ZFHX3: variants seen among roughly 807,000 people sequenced by gnomAD.
ZFHX3 encodes zinc finger homeobox 3, also known as zinc finger homeobox protein 3.
A neutral mutation model predicts 279.1 loss-of-function variants in ZFHX3; 42 were observed. That is an observed-to-expected ratio of 0.15 (90% confidence interval 0.12 to 0.19). The LOEUF is 0.19. Among genes scored for constraint, ZFHX3 ranks in the 10% least tolerant of loss-of-function variants. The probability of loss-of-function intolerance (pLI) is 1.00; values close to 1 mark genes in which losing one functional copy is unlikely to be tolerated. For synonymous variants in ZFHX3, 2,293 were observed against 1,957.8 expected, an observed-to-expected ratio of 1.17 and a Z score of -4.52; for missense variants, 4,981 against 4,754.0, an observed-to-expected ratio of 1.05 and a Z score of -1.40.
chr16:73,085,856 T>C (rs1966005199), intron 8 of ZFHX3, among the ~76,000 whole-genome samples: 1 of 152,050 alleles, frequency 6.6e-6, no homozygotes, highest in Admixed American at 6.6e-5. Flanking sequence ...AGGAAGCTTC[T>C]GTACAGCAAA....
intron 1 of ZFHX3, among the ~76,000 whole-genome samples, chr16:72,975,492 A>C (rs1320636270): frequency 6.6e-6 from 1 of 152,154 alleles, no homozygotes; most frequent in African/African-American, 2.4e-5. Flanking sequence ...CAGGGGGAAG[A>C]GAGGGGATCA....
chr16:73,280,497 A>C (rs1713895258), intron 4 of ZFHX3, among the ~76,000 whole-genome samples: 1 of 152,246 alleles, frequency 6.6e-6, no homozygotes, highest in Non-Finnish European at 1.5e-5. Context: ...CAATAGACAC[A>C]GGAAAAGGTG....
intron 2 of ZFHX3, among the ~76,000 whole-genome samples, chr16:73,636,847 C>G (rs553006976): frequency 1.6e-4 from 25 of 152,154 alleles, no homozygotes; most frequent in African/African-American, 5.5e-4. Context: ...TAATCTATAA[C>G]TTTAGTATCA....
At chr16:72,881,278 G>C (rs1401301235) in intron 4 of ZFHX3, among the ~76,000 whole-genome samples, 1 of 152,182 alleles carries the variant, frequency 6.6e-6, no homozygotes, top group Non-Finnish European at 1.5e-5. Context: ...AGAGAATTTT[G>C]AGAAGCTTCC....
chr16:72,879,418 G>T (rs566087780), intron 4 of ZFHX3, among the ~76,000 whole-genome samples: 88 of 152,218 alleles, frequency 5.8e-4, no homozygotes, highest in South Asian at 1.2e-3. Flanking sequence ...CAGCAAGGAG[G>T]GGTTTCTATT....
At chr16:73,695,409 G>C (rs1481747655) in intron 1 of ZFHX3, among the ~76,000 whole-genome samples, 1 of 151,880 alleles carries the variant, frequency 6.6e-6, no homozygotes, top group Non-Finnish European at 1.5e-5. Context: ...TAAATAAAAT[G>C]TTTTATGATA....
intron 4 of ZFHX3, among the ~76,000 whole-genome samples, chr16:72,839,250 C>T (rs574905621): frequency 2.6e-5 from 4 of 151,524 alleles, no homozygotes; most frequent in African/African-American, 7.2e-5. Flanking sequence ...TCAATGTCAG[C>T]GCGACGACAA....
At chr16:73,852,396 A>T (rs1961614092) in intron 1 of ZFHX3, among the ~76,000 whole-genome samples, 1 of 152,228 alleles carries the variant, frequency 6.6e-6, no homozygotes, top group African/African-American at 2.4e-5. Flanking sequence ...TGCATATTTC[A>T]ATATAAATTG....
At chr16:73,169,895 C>G (rs914200496) in intron 5 of ZFHX3, among the ~76,000 whole-genome samples, 6 of 152,062 alleles carry the variant, frequency 3.9e-5, no homozygotes, top group African/African-American at 1.4e-4. Context: ...AATTAGGTAC[C>G]CCTGTTGTAG....
At chr16:73,524,055 T>C (rs2019651481) in intron 2 of ZFHX3, among the ~76,000 whole-genome samples, 1 of 152,104 alleles carries the variant, frequency 6.6e-6, no homozygotes, top group Non-Finnish European at 1.5e-5. Context: ...CCAGGAACCA[T>C]AGTAAGGGGT....
intron 5 of ZFHX3, among the ~76,000 whole-genome samples, chr16:73,159,733 T>C (rs534920923): frequency 6.6e-6 from 1 of 152,316 alleles, no homozygotes; most frequent in Admixed American, 6.5e-5. Context: ...CCAAAGTTGT[T>C]ATTTTTGTCC....
At chr16:73,153,629 G>A (rs1967002726) in intron 5 of ZFHX3, among the ~76,000 whole-genome samples, 1 of 152,016 alleles carries the variant, frequency 6.6e-6, no homozygotes, top group South Asian at 2.1e-4. Context: ...AAGTTTAAGG[G>A]AAGAAATAAG....
intron 1 of ZFHX3, among the ~76,000 whole-genome samples, chr16:72,960,703 A>G (rs1440434378): frequency 1.3e-5 from 2 of 152,166 alleles, no homozygotes; most frequent in African/African-American, 2.4e-5. Flanking sequence ...AAAGGACGGT[A>G]AAGTGGGATA....
intron 2 of ZFHX3, among the ~76,000 whole-genome samples, chr16:73,629,675 A>C (rs977687172): frequency 9.2e-5 from 14 of 152,078 alleles, no homozygotes; most frequent in African/African-American, 3.4e-4. Context: ...AGGAAAAAGA[A>C]AGGAGGAAAA....
intron 2 of ZFHX3, among the ~76,000 whole-genome samples, chr16:73,592,977 G>A (rs1043396503): frequency 6.6e-5 from 10 of 151,860 alleles, no homozygotes; most frequent in South Asian, 2.1e-4. Context: ...AAAATAAGAC[G>A]ATATCATAAA....
chr16:73,445,175 T>C (rs1331214234), intron 3 of ZFHX3, among the ~76,000 whole-genome samples: 1 of 152,076 alleles, frequency 6.6e-6, no homozygotes, highest in East Asian at 1.9e-4. Context: ...TGAATATAGA[T>C]GTATATATGT....
In ZFHX3 at chr16:73,215,485, A is replaced by G. The variant is rs866956730; in HGVS notation, c.-1104+41562T>C. ...CAACTGGGAGTTCCTAAATGTTTCA[A>G]CCAGCCATTTAATAATGTTCTATCT... is the stretch of plus-strand genomic sequence containing the variant. On this transcript the variant is annotated intron_variant, in intron 5 of 17. Transcript: ENST00000641206. Among the ~76,000 whole-genome samples, 29 of 152,302 alleles carry G rather than the reference A, an allele frequency of 1.9e-4. 1 individual carries two copies. Among genetic ancestry groups the G allele is most frequent in the Admixed American group, 5.2e-4 (8 of 15,296 alleles).
chr16:73,691,588 G>A (rs549172366), intron 1 of ZFHX3, among the ~76,000 whole-genome samples: 179 of 152,202 alleles, frequency 1.2e-3, no homozygotes, highest in African/African-American at 4.2e-3. Context: ...TATTGTACCC[G>A]ATAATCGATA....
At chr16:72,926,994 A>T (rs1199046913) in intron 3 of ZFHX3, among the ~76,000 whole-genome samples, 4 of 152,220 alleles carry the variant, frequency 2.6e-5, no homozygotes, top group South Asian at 2.1e-4. Context: ...GGTGTTAGGA[A>T]CCATGAGCTG....
Sources: gnomAD v4.1 joint callset for allele counts (sites outside exome capture counted in the v4.1 genomes callset) on GRCh38, gnomAD v4.1.1 for gene constraint, MANE v1.5 for transcripts, NCBI Gene and HGNC (gene_info 2026-07-23, HGNC 2026-07-21) for gene names.